Variants in IQCE observed in about 807,000 individuals in gnomAD.
The protein encoded by IQCE is IQ domain-containing protein E.
IQCE carries 115 observed loss-of-function variants against 96.0 expected under a neutral mutation model. That is an observed-to-expected ratio of 1.20 (90% CI 1.03 to 1.40). IQCE has a LOEUF of 1.40. Among genes scored for constraint, IQCE ranks in the 40% most tolerant of loss-of-function variants. The pLI is 0.00. For missense variants in IQCE, 1,041 were observed against 909.1 expected (o/e 1.15, Z -1.87); for synonymous variants, 412 against 371.2 (o/e 1.11, Z -1.26).
chr7:2,584,911 T>A (rs1782977374), intron 11 of IQCE, among the ~76,000 whole-genome samples: 1 of 152,242 alleles, frequency 6.6e-6, no homozygotes, highest in African/African-American at 2.4e-5. Context: ...TTATAAAATG[T>A]CTGCAGGTTT....
At chr7:2,575,390 C>A (rs561521680) in intron 6 of IQCE, among the ~76,000 whole-genome samples, 2 of 152,336 alleles carry the variant, frequency 1.3e-5, no homozygotes, top group Non-Finnish European at 2.9e-5. Context: ...GCCGCCCTAG[C>A]TAGGAGGGAA....
chr7:2,561,619 C>T (rs1187702913), intron 1 of IQCE, among the ~76,000 whole-genome samples: 2 of 151,936 alleles, frequency 1.3e-5, no homozygotes, highest in African/African-American at 2.4e-5. Context: ...CACGGGGTTT[C>T]ACCTTGTTAG....
rs772690724 is a variant in IQCE, at chr7:2,593,005, C to T, written c.1245-17C>T. 18 of 1,587,940 alleles carry T rather than the reference C, an allele frequency of 1.1e-5. No individual in the cohort carries two copies. The highest frequency in any genetic ancestry group is 8.6e-7 in the Non-Finnish European group (1 of 1,162,046). ...AGTTTTTGTGAACGCTGACGAGTCT[C>T]CTATTCTTGTGTGCAGTTTGGAGGT... On this transcript the variant is annotated splice_polypyrimidine_tract_variant and intron_variant, in intron 14 of 21. Transcript: ENST00000402050.
chr7:2,565,681 G>A (rs925697983), intron 1 of IQCE, among the ~76,000 whole-genome samples: 6 of 152,110 alleles, frequency 3.9e-5, no homozygotes, highest in Non-Finnish European at 8.8e-5. Flanking sequence ...TTCCCGGCCT[G>A]CCCTTCCTCA....
rs570431439 is a variant in IQCE, at chr7:2,583,685, C to T, written c.750C>T (p.Ile250=). The change falls in exon 10 of 22, where the codon ATC becomes ATT. Residue 250 remains isoleucine (I), a synonymous_variant. Transcript: ENST00000402050. The part of the protein sequence containing the change: ...MKTTNLEEMR[I]AMETYYEEVH... ...CTACCAACCTGGAAGAGATGCGGAT[C>T]GCCATGGAGACATACTACGAGGAGG... The T allele has an allele frequency of 1.0e-5, 16 of 1,568,414 alleles. No individual in the cohort carries two copies. Among genetic ancestry groups the T allele is most frequent in the African/African-American group, 2.7e-5 (2 of 72,900 alleles).
At chr7:2,571,411 C>A in intron 3 of IQCE, 115 bp from the exon 4 acceptor site, 2 of 1,318,560 alleles carry the variant, frequency 1.5e-6, no homozygotes, top group Non-Finnish European at 2.1e-6. Flanking sequence ...GAATGTTTGA[C>A]TAGAGTCACC....
At chr7:2,585,605 A>G (rs1289396390) in intron 11 of IQCE, among the ~76,000 whole-genome samples, 4 of 152,258 alleles carry the variant, frequency 2.6e-5, no homozygotes, top group Admixed American at 6.5e-5. Flanking sequence ...TGAGAGCCAC[A>G]GCGCCAGGCA....
chr7:2,566,989 C>A, intron 1 of IQCE, 127 bp from the exon 2 acceptor site: 1 of 761,252 alleles, frequency 1.3e-6, no homozygotes, highest in Non-Finnish European at 2.3e-6. Flanking sequence ...TCTGAGTGGC[C>A]TCAGAGCTGG....
At chr7:2,574,195 A>G (rs1781958092) in intron 6 of IQCE, among the ~76,000 whole-genome samples, 1 of 152,142 alleles carries the variant, frequency 6.6e-6, no homozygotes, top group Non-Finnish European at 1.5e-5. Flanking sequence ...TTCCTTCCAT[A>G]ATTTTAGTCT....
chr7:2,594,488 G>A (rs373100867), intron 15 of IQCE, among the ~76,000 whole-genome samples: 5 of 152,214 alleles, frequency 3.3e-5, no homozygotes, highest in Non-Finnish European at 4.4e-5. Context: ...TCAAATGCTT[G>A]GGCTCAAGCG....
intron 17 of IQCE, among the ~76,000 whole-genome samples, chr7:2,599,999 G>A (rs1784328002): frequency 6.6e-6 from 1 of 151,908 alleles, no homozygotes; most frequent in Non-Finnish European, 1.5e-5. Context: ...TCACCATGTT[G>A]TCCAGACTGG....
At chr7:2,581,286 C>T (rs1252487330) in intron 8 of IQCE, among the ~76,000 whole-genome samples, 1 of 151,638 alleles carries the variant, frequency 6.6e-6, no homozygotes, top group African/African-American at 2.4e-5. Context: ...ACTCACTGCA[C>T]CCTCCACTTC....
chr7:2,565,133 A>AGTGT (rs35495754), intron 1 of IQCE, among the ~76,000 whole-genome samples: 317 of 147,250 alleles, frequency 2.2e-3, no homozygotes, highest in East Asian at 6.7e-3. Flanking sequence ...CATGTGTGTG[A>AGTGT]GTGTGTGTGT....
chr7:2,583,669 T>G lies in IQCE; in HGVS notation c.734T>G (p.Leu245Arg), dbSNP rs746236597. ...KLQTDMKTTNLEEMRIAMETY... is the reference protein window; with the variant it reads ...KLQTDMKTTNREEMRIAMETY... ...CAGACCGATATGAAGACTACCAACC[T>G]GGAAGAGATGCGGATCGCCATGGAG... The change falls in exon 10 of 22, where the codon CTG becomes CGG. Residue 245 changes from leucine (L) to arginine (R), a missense_variant. Coordinates refer to ENST00000402050, the MANE Select transcript of IQCE (RefSeq NM_152558.5). 4 of 1,578,288 alleles carry G rather than the reference T, an allele frequency of 2.5e-6. No homozygotes were observed. The South Asian group carries it at 4.4e-5, about 17-fold the overall frequency.
intron 14 of IQCE, among the ~76,000 whole-genome samples, chr7:2,591,975 GCC>G (rs1783627919): frequency 1.1e-5 from 1 of 89,448 alleles, no homozygotes; most frequent in Non-Finnish European, 2.3e-5. Context: ...CCGCACCCGG[GCC>G]TGCCTCGGCC....
intron 19 of IQCE, among the ~76,000 whole-genome samples, chr7:2,605,423 A>G (rs1784732671): frequency 6.6e-6 from 1 of 152,060 alleles, no homozygotes; most frequent in South Asian, 2.1e-4. Context: ...GATCGAGACC[A>G]TCCTGGCTAA....
intron 19 of IQCE, 144 bp from the exon 20 acceptor site, chr7:2,605,732 G>A: frequency 2.8e-6 from 2 of 721,940 alleles, no homozygotes; most frequent in Non-Finnish European, 4.0e-6. Context: ...TCACTGACCA[G>A]CAATTCCCGG....
In IQCE at chr7:2,578,501, C is replaced by T. The variant is rs765743084; in HGVS notation, c.605C>T (p.Ala202Val). 13 of 1,614,188 alleles carry T rather than the reference C, an allele frequency of 8.1e-6. No homozygotes were observed. The highest frequency in any genetic ancestry group is 1.0e-5 in the Non-Finnish European group (12 of 1,180,022). The change falls in exon 8 of 22, where the codon GCA (alanine) becomes GTA (valine). Residue 202 changes from alanine (A) to valine (V), a missense_variant. By Grantham distance (64) the Ala-to-Val change is moderately conservative. Transcript: ENST00000402050. Reference sequence around the variant, plus strand: ...GGCACGGATTTTGTTCGGACTCTGGCAGAGAAAAGGCCCGATGCCAGTTGG... The same window carrying T: ...GGCACGGATTTTGTTCGGACTCTGGTAGAGAAAAGGCCCGATGCCAGTTGG... ...SRGTDFVRTL[A>V]EKRPDASWVI... is the part of the protein sequence containing the mutation.
chr7:2,607,235 C>G lies in IQCE; in HGVS notation c.1969+8C>G. 1 of 1,613,742 alleles carries G rather than the reference C, an allele frequency of 6.2e-7. No individual in the cohort carries two copies. ...TCCTCGCAGCTCTTCCTGGTAATTT[C>G]ATTCATTTGGATTCTGGCACCAGGG... On this transcript the variant is annotated splice_region_variant and intron_variant, in intron 21 of 21. Transcript: ENST00000402050.
Sources: allele counts gnomAD v4.1 joint callset (sites outside exome capture counted in the v4.1 genomes callset), GRCh38; gene constraint gnomAD v4.1.1; transcripts MANE v1.5; gene names NCBI Gene and HGNC (gene_info 2026-07-23, HGNC 2026-07-21).